TMEM131L: variants seen among roughly 807,000 people sequenced by gnomAD.
The protein encoded by TMEM131L is transmembrane protein 131-like.
In TMEM131L, 54 loss-of-function variants were observed where a neutral mutation model predicts 192.2. That is an observed-to-expected ratio of 0.28 (90% CI 0.23 to 0.35). The LOEUF (loss-of-function observed/expected upper bound fraction) is 0.35, where lower values mean the gene tolerates loss of function less well. Among genes scored for constraint, TMEM131L ranks in the 10% least tolerant of loss-of-function variants. The pLI is 1.00. For missense variants in TMEM131L, 1,888 were observed against 1,972.9 expected (o/e 0.96, Z 0.82); for synonymous variants, 701 against 704.9 (o/e 0.99, Z 0.09).
chr4:153,583,697 A>G (rs371612098), intron 11 of TMEM131L, 25 bp downstream of exon 11: 3 of 1,348,060 alleles, frequency 2.2e-6, no homozygotes, highest in South Asian at 1.2e-5. Flanking sequence ...ACAGATTGTC[A>G]TTTGACTTTT....
At chr4:153,614,048 A>G (rs1401419336) in intron 26 of TMEM131L, among the ~76,000 whole-genome samples, 1 of 152,148 alleles carries the variant, frequency 6.6e-6, no homozygotes, top group African/African-American at 2.4e-5. Flanking sequence ...GTGCCGTGGA[A>G]AGCTCCCAGA....
intron 3 of TMEM131L, among the ~76,000 whole-genome samples, chr4:153,505,399 C>T (rs1733921523): frequency 6.6e-6 from 1 of 152,166 alleles, no homozygotes; most frequent in African/African-American, 2.4e-5. Context: ...AGCCACCTTG[C>T]CCAGCCCTCA....
intron 3 of TMEM131L, 43 bp downstream of exon 3, chr4:153,473,931 C>T: frequency 4.2e-6 from 6 of 1,437,092 alleles, no homozygotes; most frequent in African/African-American, 1.4e-5. Context: ...CTGAATGTCC[C>T]TGCCCACTTT....
chr4:153,467,227 G>C lies in TMEM131L; in HGVS notation c.141G>C (p.Pro47=), dbSNP rs182442925. The change falls in exon 2 of 35, where the codon CCG becomes CCC. Residue 47 remains proline, a synonymous_variant. Transcript: ENST00000409959. ...GAQGQAIEPL[P]NVVELWQAEE... ...TTCCTGCAGCGATTGAGCCGTTGCCGAACGTGGTGGAGCTGTGGCAGGCAG... is the reference window on the plus strand; with the variant it reads ...TTCCTGCAGCGATTGAGCCGTTGCCCAACGTGGTGGAGCTGTGGCAGGCAG... The C allele has an allele frequency of 3.9e-5, 61 of 1,551,716 alleles. 1 individual carries two copies. The East Asian group carries it at 6.8e-4, about 17-fold the overall frequency.
At position 153,555,160 on chromosome 4, in the gene TMEM131L, TCA is replaced by T. The variant is rs1255868000; in HGVS notation, c.309-626_309-625del. 6.6e-6 allele frequency among the ~76,000 whole-genome samples: 1 copy of T among 152,222 alleles called. No individual in the cohort carries two copies. Among genetic ancestry groups the T allele is most frequent in the African/African-American group, 2.4e-5 (1 of 41,454 alleles). ...TCTGCTGCAAAGTGCTGCCGGATTTTCAGTTTTCTCAAAAGAATAGCCTTTAG... is the reference window on the plus strand; with the variant it reads ...TCTGCTGCAAAGTGCTGCCGGATTTTGTTTTCTCAAAAGAATAGCCTTTAG... On this transcript the variant is annotated intron_variant, in intron 4 of 34. Coordinates refer to ENST00000409959, the MANE Select transcript of TMEM131L (RefSeq NM_001131007.2). The surrounding 1 kb of genome is among the most constrained non-coding windows in gnomAD (Gnocchi z 4.1).
chr4:153,509,774 C>T (rs1057048942), intron 3 of TMEM131L, among the ~76,000 whole-genome samples: 6 of 152,172 alleles, frequency 3.9e-5, no homozygotes, highest in Non-Finnish European at 7.3e-5. Context: ...GATTCTTAAC[C>T]CTGACCCACA....
intron 2 of TMEM131L, among the ~76,000 whole-genome samples, chr4:153,472,875 C>T (rs1351671888): frequency 1.3e-5 from 2 of 152,170 alleles, no homozygotes; most frequent in East Asian, 3.8e-4. Context: ...ACCCTGGGAC[C>T]ACAGTCAAGT....
chr4:153,489,054 A>C (rs1025085954), intron 3 of TMEM131L, among the ~76,000 whole-genome samples: 1 of 152,174 alleles, frequency 6.6e-6, no homozygotes, highest in Non-Finnish European at 1.5e-5. Context: ...AAGTCAGGTC[A>C]CATTCTGAGG....
intron 3 of TMEM131L, among the ~76,000 whole-genome samples, chr4:153,549,354 T>G (rs551932931): frequency 6.6e-6 from 1 of 152,248 alleles, no homozygotes; most frequent in Non-Finnish European, 1.5e-5. Context: ...TAAACCTCTT[T>G]AGATTAATAG....
chr4:153,567,258 T>C (rs1729273766), intron 7 of TMEM131L, among the ~76,000 whole-genome samples: 1 of 152,210 alleles, frequency 6.6e-6, no homozygotes, highest in African/African-American at 2.4e-5. Context: ...TAAGGGTCTT[T>C]AGAGCTGTCC....
At chr4:153,559,578 A>G (rs1728711163) in intron 7 of TMEM131L, among the ~76,000 whole-genome samples, 1 of 152,102 alleles carries the variant, frequency 6.6e-6, no homozygotes, top group Non-Finnish European at 1.5e-5. Context: ...CAGGCCTCCT[A>G]GAGAGCTAGA....
chr4:153,546,529 A>T (rs6825121), intron 3 of TMEM131L, among the ~76,000 whole-genome samples: 22,869 of 152,212 alleles, frequency 0.15, 2,816 homozygotes, highest in African/African-American at 0.34. Flanking sequence ...TTGGCATTTC[A>T]AACAGGATAT....
chr4:153,471,614 A>G (rs1432476450), intron 2 of TMEM131L, among the ~76,000 whole-genome samples: 1 of 152,204 alleles, frequency 6.6e-6, no homozygotes, highest in Non-Finnish European at 1.5e-5. Flanking sequence ...TGTTCTTTCA[A>G]TCCATCCAGA....
At position 153,621,702 on chromosome 4, in the gene TMEM131L, C is replaced by T; in HGVS notation, c.3712C>T (p.Leu1238=). ...TTCCAGGCCTCCTGAACAGAGTGATCTAAAGCTTGTGTGCAGTGACTTTGA... is the reference window on the plus strand; with the variant it reads ...TTCCAGGCCTCCTGAACAGAGTGATTTAAAGCTTGTGTGCAGTGACTTTGA... ...PVSRPPEQSD[L]KLVCSDFERS... is the part of the protein sequence containing the mutation. The change falls in exon 28 of 35, where the codon CTA becomes TTA. Residue 1238 remains leucine (L), a synonymous_variant. Coordinates refer to ENST00000409959, the MANE Select transcript of TMEM131L (RefSeq NM_001131007.2). 3 of 1,614,052 alleles carry T rather than the reference C, an allele frequency of 1.9e-6. No individual in the cohort carries two copies. The highest frequency in any genetic ancestry group is 2.5e-6 in the Non-Finnish European group (3 of 1,180,004).
chr4:153,581,998 G>A (rs550854687), intron 9 of TMEM131L, among the ~76,000 whole-genome samples: 2 of 152,264 alleles, frequency 1.3e-5, no homozygotes, highest in South Asian at 2.1e-4. Flanking sequence ...GAATTTTAGT[G>A]TTCAGTTTTA....
At chr4:153,564,153 G>T (rs751940989) in intron 7 of TMEM131L, among the ~76,000 whole-genome samples, 1 of 151,918 alleles carries the variant, frequency 6.6e-6, no homozygotes, top group Non-Finnish European at 1.5e-5. Flanking sequence ...GCTGTGTGTG[G>T]TGATGCATGC....
rs1445123978 is a variant in TMEM131L, at chr4:153,627,670, G to A, written c.4190G>A (p.Gly1397Asp). The change falls in exon 31 of 35, where the codon GGT becomes GAT. Residue 1397 changes from glycine (G) to aspartate (D), a missense_variant. Coordinates refer to ENST00000409959, the MANE Select transcript of TMEM131L (RefSeq NM_001131007.2). Reference sequence around the variant, plus strand: ...CCCAGCCTTCCTGCCGGGCCCACAGGTGTTGAAGAAGATAAAGGTGAGATG... The same window carrying A: ...CCCAGCCTTCCTGCCGGGCCCACAGATGTTGAAGAAGATAAAGGTGAGATG... ...SCPSLPAGPT[G>D]VEEDKGLYSP... 1.2e-6 allele frequency: 2 copies of A among 1,613,712 alleles called. No individual in the cohort carries two copies. The highest frequency in any genetic ancestry group is 1.7e-6 in the Non-Finnish European group (2 of 1,179,732).
intron 3 of TMEM131L, among the ~76,000 whole-genome samples, chr4:153,528,402 A>G (rs764280257): frequency 1.3e-5 from 2 of 152,216 alleles, no homozygotes; most frequent in Non-Finnish European, 1.5e-5. Flanking sequence ...AAAAAAGCGT[A>G]CCAGTTTTAA....
chr4:153,623,116 G>C (rs141505941), intron 29 of TMEM131L, 33 bp downstream of exon 29: 13 of 1,527,288 alleles, frequency 8.5e-6, no homozygotes, highest in Non-Finnish European at 1.0e-5. Context: ...GGCACTCTCG[G>C]TGGCCCTTCC....
Sources: allele counts gnomAD v4.1 joint callset (sites outside exome capture counted in the v4.1 genomes callset), GRCh38; gene constraint gnomAD v4.1.1; non-coding constraint Gnocchi (gnomAD v3.1); transcripts MANE v1.5; gene names NCBI Gene and HGNC (gene_info 2026-07-23, HGNC 2026-07-21).